HACE1: variants seen among roughly 807,000 people sequenced by gnomAD.
HACE1 encodes the protein E3 ubiquitin-protein ligase HACE1.
HACE1 carries 73 observed loss-of-function variants against 118.4 expected under a neutral mutation model. The ratio of observed to expected loss-of-function variants is 0.62; its 90% CI spans 0.51 to 0.75. The LOEUF is 0.75. Among genes scored for constraint, HACE1 ranks in the 30% least tolerant of loss-of-function variants. The pLI, the probability that HACE1 is intolerant of heterozygous loss-of-function variation, is 0.00. For missense variants in HACE1, 749 were observed against 1,102.2 expected (o/e 0.68, Z 4.54); for synonymous variants, 368 against 374.8 (o/e 0.98, Z 0.21).
chr6:104,843,871 CTT>C (rs879775701), intron 4 of HACE1, among the ~76,000 whole-genome samples: 9 of 142,426 alleles, frequency 6.3e-5, no homozygotes, highest in Non-Finnish European at 6.2e-5. Context: ...GCCATCATAA[CTT>C]TTTTTTTTTT....
At chr6:104,781,558 T>A (rs1781746595) in intron 14 of HACE1, among the ~76,000 whole-genome samples, 1 of 152,132 alleles carries the variant, frequency 6.6e-6, no homozygotes. Context: ...TCTAATTTCC[T>A]CCATTTTGTA....
At chr6:104,769,645 TC>T (rs547617065) in intron 19 of HACE1, among the ~76,000 whole-genome samples, 17 of 152,204 alleles carry the variant, frequency 1.1e-4, no homozygotes, top group Non-Finnish European at 2.5e-4. Context: ...AGTAAGTTCT[TC>T]CTCGACACAA....
chr6:104,788,163 T>C (rs1351817555), intron 11 of HACE1, among the ~76,000 whole-genome samples: 9 of 152,140 alleles, frequency 5.9e-5, no homozygotes, highest in Admixed American at 5.9e-4. Context: ...TTGCATACTA[T>C]ATCTGATACT....
chr6:104,819,304 T>C (rs767637716), intron 6 of HACE1, among the ~76,000 whole-genome samples: 2 of 151,712 alleles, frequency 1.3e-5, no homozygotes, highest in Non-Finnish European at 2.9e-5. Flanking sequence ...CAAAAAGAAT[T>C]AAAAACCTAG....
At chr6:104,737,389 G>C (rs558487585) in intron 22 of HACE1, among the ~76,000 whole-genome samples, 6 of 151,990 alleles carry the variant, frequency 3.9e-5, no homozygotes, top group Non-Finnish European at 8.8e-5. Context: ...GCAAAAGATG[G>C]TGATTTCTGC....
chr6:104,837,582 G>A (rs1774669645), intron 5 of HACE1, among the ~76,000 whole-genome samples: 1 of 152,118 alleles, frequency 6.6e-6, no homozygotes, highest in South Asian at 2.1e-4. Flanking sequence ...GTGAGTGCTA[G>A]GCAAAGAGTT....
intron 21 of HACE1, 128 bp from the exon 22 acceptor site, chr6:104,744,358 A>G (rs1777172506): frequency 1.2e-6 from 1 of 827,464 alleles, no homozygotes; most frequent in Non-Finnish European, 2.1e-6. Flanking sequence ...AAATGATTTC[A>G]TGCAAAGCTT....
chr6:104,771,383 G>A lies in HACE1; in HGVS notation c.2021C>T (p.Pro674Leu). The A allele has an allele frequency of 6.2e-7, 1 of 1,607,996 alleles. No homozygotes were observed. Residue 674 changes from proline to leucine, a missense_variant, in exon 19 of 24, where the codon CCT becomes CTT. Transcript: ENST00000262903. ...RSFYKHILGI[P>L]VNYQDVASID... ...GGATGCCACATCTTGGTAATTTACA[G>A]GAATACCTAAAAAATGCAAACATAC... is the stretch of plus-strand genomic sequence containing the variant.
At chr6:104,748,825 TA>T (rs1176850149) in intron 20 of HACE1, among the ~76,000 whole-genome samples, 2 of 152,304 alleles carry the variant, frequency 1.3e-5, no homozygotes, top group Middle Eastern at 3.4e-3. Flanking sequence ...TACATAATTC[TA>T]AAATAGGCGA....
chr6:104,846,376 C>T (rs886877424), intron 4 of HACE1, among the ~76,000 whole-genome samples: 4 of 152,116 alleles, frequency 2.6e-5, no homozygotes, highest in African/African-American at 7.2e-5. Flanking sequence ...AATTTTAAAG[C>T]CTCTCCTTTT....
chr6:104,798,292 C>T (rs1421311826), intron 7 of HACE1, among the ~76,000 whole-genome samples: 1 of 152,070 alleles, frequency 6.6e-6, no homozygotes, highest in African/African-American at 2.4e-5. Context: ...AAGAAAAACA[C>T]TACACAGATT....
intron 5 of HACE1, among the ~76,000 whole-genome samples, chr6:104,835,482 G>A (rs148075604): frequency 8.5e-5 from 13 of 152,104 alleles, no homozygotes; most frequent in African/African-American, 2.4e-4. Flanking sequence ...TGATAGAGAC[G>A]TGCAAACTCA....
chr6:104,771,817 C>A, intron 18 of HACE1, 108 bp downstream of exon 18: 1 of 796,314 alleles, frequency 1.3e-6, no homozygotes, highest in East Asian at 2.8e-5. Flanking sequence ...GGGCTCCAAT[C>A]AAAATAAAAA....
In HACE1 at chr6:104,843,276, A is replaced by T; in HGVS notation, c.349T>A (p.Leu117Ile). 1 of 1,533,078 alleles carries T rather than the reference A, an allele frequency of 6.5e-7. No individual in the cohort carries two copies. The highest frequency in any genetic ancestry group is 9.0e-7 in the Non-Finnish European group (1 of 1,106,328). 95.0% of individuals were successfully genotyped at this position (1,533,078 alleles called of 1,614,324 possible). Residue 117 changes from leucine to isoleucine, a missense_variant, in exon 5 of 24, where the codon TTA (leucine) becomes ATA (isoleucine). By Grantham distance (5) the Leu-to-Ile change is conservative. Coordinates refer to ENST00000262903, the MANE Select transcript of HACE1 (RefSeq NM_020771.4). The part of the protein sequence containing the change: ...RNGQKKCMSK[L>I]LEYSADVNIC... ...TTGACATCAGCGCTATATTCTAATAATTTACTCATACATTTCTTCTGCCTG... is the reference window on the plus strand; with the variant it reads ...TTGACATCAGCGCTATATTCTAATATTTTACTCATACATTTCTTCTGCCTG...
intron 5 of HACE1, among the ~76,000 whole-genome samples, chr6:104,833,980 T>G (rs1477794426): frequency 9.9e-5 from 15 of 151,718 alleles, no homozygotes; most frequent in Non-Finnish European, 1.9e-4. Flanking sequence ...TAAGACTCCG[T>G]CTCAAAAAAA....
chr6:104,832,235 A>G (rs1241031404), intron 6 of HACE1, among the ~76,000 whole-genome samples: 4 of 152,244 alleles, frequency 2.6e-5, no homozygotes, highest in Non-Finnish European at 5.9e-5. Flanking sequence ...GAACAGAATG[A>G]ACATTATAAA....
chr6:104,814,567 A>G lies in HACE1; in HGVS notation c.535-3174T>C, dbSNP rs927764814. Among the ~76,000 whole-genome samples, 3 of 138,280 alleles carry G rather than the reference A, an allele frequency of 2.2e-5. 1 individual carries two copies. Among genetic ancestry groups the G allele is most frequent in the African/African-American group, 8.7e-5 (3 of 34,570 alleles). The allele number at this position is 138,280 out of a possible 152,430, so 90.7% of individuals were successfully genotyped here. On this transcript the variant is annotated intron_variant, in intron 6 of 23. Coordinates refer to ENST00000262903, the MANE Select transcript of HACE1 (RefSeq NM_020771.4). The stretch of plus-strand genomic sequence containing the variant: ...CTCCTCCAAAGAAAGAGAATAAACC[A>G]TAATAGAAGATATGGAATCTAGAAT...
intron 17 of HACE1, among the ~76,000 whole-genome samples, chr6:104,772,871 T>C (rs561086840): frequency 4.5e-4 from 68 of 152,216 alleles, no homozygotes; most frequent in African/African-American, 1.6e-3. Context: ...ATGGGAGATA[T>C]TGCTTAACGG....
intron 6 of HACE1, among the ~76,000 whole-genome samples, chr6:104,820,144 G>A (rs1200456960): frequency 4.0e-5 from 6 of 148,362 alleles, no homozygotes; most frequent in African/African-American, 7.5e-5. Flanking sequence ...GCAGTGAGCC[G>A]AGATTGTGCC....
Sources: allele counts gnomAD v4.1 joint callset (sites outside exome capture counted in the v4.1 genomes callset), GRCh38; gene constraint gnomAD v4.1.1; transcripts MANE v1.5; gene names NCBI Gene and HGNC (gene_info 2026-07-23, HGNC 2026-07-21).